The following ADGRL2 variants were observed in gnomAD, a reference collection of about 807,000 sequenced individuals.
ADGRL2 encodes calcium-independent alpha-latrotoxin receptor 2.
Under a neutral mutation model 157.4 loss-of-function variants are expected in ADGRL2, and 44 were observed. The observed-to-expected ratio is 0.28, with a 90% confidence interval of 0.22 to 0.36. ADGRL2 has a LOEUF of 0.36. Among genes scored for constraint, ADGRL2 ranks in the 10% least tolerant of loss-of-function variants. The pLI, the probability that ADGRL2 is intolerant of heterozygous loss-of-function variation, is 1.00. For missense variants in ADGRL2, 1,510 were observed against 1,768.9 expected (o/e 0.85, Z 2.63); for synonymous variants, 585 against 624.7 (o/e 0.94, Z 0.95).
chr1:81,592,403 A>T (rs899187742), intron 3 of ADGRL2, among the ~76,000 whole-genome samples: 1 of 152,244 alleles, frequency 6.6e-6, no homozygotes, highest in Non-Finnish European at 1.5e-5. Flanking sequence ...CTACAGCCAT[A>T]GTTTGCTGAC....
At chr1:81,860,866 G>A (rs2093365882) in intron 2 of ADGRL2, among the ~76,000 whole-genome samples, 1 of 151,872 alleles carries the variant, frequency 6.6e-6, no homozygotes, top group Non-Finnish European at 1.5e-5. Context: ...ATTCTTTATT[G>A]TTTTCATTTT....
chr1:81,731,276 T>C (rs995765962), intron 1 of ADGRL2, among the ~76,000 whole-genome samples: 3 of 152,210 alleles, frequency 2.0e-5, no homozygotes, highest in African/African-American at 7.2e-5. Context: ...TTGAGTTCAT[T>C]AAAATTTTTT....
At chr1:81,585,694 A>C (rs190279286) in intron 3 of ADGRL2, among the ~76,000 whole-genome samples, 1 of 152,210 alleles carries the variant, frequency 6.6e-6, no homozygotes, top group Admixed American at 6.6e-5. Flanking sequence ...GTGATGTGGG[A>C]TTATTGTGCT....
At chr1:81,915,127 C>G (rs1267278419) in intron 3 of ADGRL2, among the ~76,000 whole-genome samples, 1 of 152,098 alleles carries the variant, frequency 6.6e-6, no homozygotes, top group East Asian at 1.9e-4. Context: ...CAGGGTCTTA[C>G]AGCTGGAGTG....
At chr1:81,313,146 C>A (rs1383082278) in intron 1 of ADGRL2, among the ~76,000 whole-genome samples, 1 of 152,040 alleles carries the variant, frequency 6.6e-6, no homozygotes, top group Non-Finnish European at 1.5e-5. Flanking sequence ...ACCCTGGATC[C>A]CACTCACAGA....
At chr1:81,952,384 A>G (rs908761720) in intron 9 of ADGRL2, among the ~76,000 whole-genome samples, 2 of 152,156 alleles carry the variant, frequency 1.3e-5, no homozygotes, top group Non-Finnish European at 2.9e-5. Context: ...GGCAAACTTT[A>G]TCTATCTGAT....
chr1:81,985,749 T>C (rs1254786427), intron 21 of ADGRL2, among the ~76,000 whole-genome samples: 1 of 152,004 alleles, frequency 6.6e-6, no homozygotes, highest in Non-Finnish European at 1.5e-5. Context: ...TTCTATATTG[T>C]TTGATGTGTC....
At chr1:81,842,180 A>G (rs1320426121) in intron 2 of ADGRL2, among the ~76,000 whole-genome samples, 1 of 152,076 alleles carries the variant, frequency 6.6e-6, no homozygotes, top group East Asian at 1.9e-4. Flanking sequence ...CAACTTTTTC[A>G]AAAGTATTTT....
At chr1:81,833,011 A>G (rs2092056205) in intron 1 of ADGRL2, among the ~76,000 whole-genome samples, 1 of 152,242 alleles carries the variant, frequency 6.6e-6, no homozygotes, top group African/African-American at 2.4e-5. Context: ...GCCTTTGCAC[A>G]GAAAATGAAA....
chr1:81,875,031 T>A (rs985070626), intron 2 of ADGRL2, among the ~76,000 whole-genome samples: 1 of 152,116 alleles, frequency 6.6e-6, no homozygotes, highest in African/African-American at 2.4e-5. Context: ...TTAATTTGCT[T>A]GTGCTGCCAG....
At chr1:81,469,743 TTCTA>T (rs1352728111) in intron 2 of ADGRL2, among the ~76,000 whole-genome samples, 2 of 151,654 alleles carry the variant, frequency 1.3e-5, no homozygotes, top group African/African-American at 4.8e-5. Context: ...GACTCTAGTT[TTCTA>T]TCTGTCTTCT....
At chr1:81,609,189 G>A (rs1381019020) in intron 3 of ADGRL2, among the ~76,000 whole-genome samples, 1 of 151,962 alleles carries the variant, frequency 6.6e-6, no homozygotes, top group African/African-American at 2.4e-5. Context: ...ACAGCTGCGT[G>A]CCACCACACC....
intron 1 of ADGRL2, among the ~76,000 whole-genome samples, chr1:81,816,702 C>G (rs1326326048): frequency 1.3e-5 from 2 of 151,872 alleles, no homozygotes; most frequent in Non-Finnish European, 2.9e-5. Flanking sequence ...ACAGTACTTT[C>G]ATGTTTGGCA....
chr1:81,741,010 A>C (rs1571025902), intron 1 of ADGRL2, among the ~76,000 whole-genome samples: 1 of 152,100 alleles, frequency 6.6e-6, no homozygotes, highest in South Asian at 2.1e-4. Flanking sequence ...GAAAAGAAAT[A>C]TTATAAACCA....
chr1:81,539,498 C>T (rs372513267), intron 2 of ADGRL2, among the ~76,000 whole-genome samples: 2 of 152,178 alleles, frequency 1.3e-5, no homozygotes, highest in South Asian at 2.1e-4. Context: ...ATCACTGCCC[C>T]CGATCGCCTG....
chr1:81,537,712 T>C (rs2079778440), intron 2 of ADGRL2, among the ~76,000 whole-genome samples: 1 of 151,980 alleles, frequency 6.6e-6, no homozygotes, highest in Admixed American at 6.6e-5. Context: ...CTCTCTTTTT[T>C]TTTTTAGATG....
chr1:81,918,163 A>G (rs1190868007), intron 3 of ADGRL2, among the ~76,000 whole-genome samples: 1 of 152,178 alleles, frequency 6.6e-6, no homozygotes, highest in Non-Finnish European at 1.5e-5. Flanking sequence ...ACTTGTATAC[A>G]GTTTTGTTAC....
intron 3 of ADGRL2, among the ~76,000 whole-genome samples, chr1:81,622,496 G>A (rs1038226460): frequency 6.6e-6 from 1 of 152,198 alleles, no homozygotes. Context: ...CAGGAGAATC[G>A]CTTGAACCTG....
chr1:81,744,598 T>C (rs944427360), intron 1 of ADGRL2, among the ~76,000 whole-genome samples: 1 of 152,162 alleles, frequency 6.6e-6, no homozygotes, highest in Non-Finnish European at 1.5e-5. Flanking sequence ...CAGCACATGA[T>C]GAGAAGCTGA....
Sources: gnomAD v4.1 joint callset for allele counts (sites outside exome capture counted in the v4.1 genomes callset) on GRCh38, gnomAD v4.1.1 for gene constraint, MANE v1.5 for transcripts, NCBI Gene and HGNC (gene_info 2026-07-23, HGNC 2026-07-21) for gene names.